Variants in NXN observed in about 807,000 individuals in gnomAD.
NXN encodes nucleoredoxin.
Under a neutral mutation model 48.6 loss-of-function variants are expected in NXN, and 16 were observed. That is an observed-to-expected ratio of 0.33 (90% confidence interval 0.22 to 0.50). The LOEUF is 0.50. Ranked by LOEUF, NXN falls within the 20% of genes least tolerant of loss-of-function variation. NXN has a pLI of 0.98. For synonymous variants in NXN, 281 were observed against 269.6 expected (o/e 1.04, Z -0.41); for missense variants, 492 against 605.5 (o/e 0.81, Z 1.97).
intron 1 of NXN, among the ~76,000 whole-genome samples, chr17:832,547 T>C (rs1462894145): frequency 6.6e-6 from 1 of 152,090 alleles, no homozygotes; most frequent in Non-Finnish European, 1.5e-5. Flanking sequence ...CTCTACCCTC[T>C]AAATGCTCAG....
chr17:816,989 T>C (rs1182989339), intron 5 of NXN, among the ~76,000 whole-genome samples: 1 of 152,156 alleles, frequency 6.6e-6, no homozygotes, highest in Non-Finnish European at 1.5e-5. Flanking sequence ...CTTGGGGCCT[T>C]TTCTTCTGGT....
At chr17:910,410 A>T (rs748541185) in intron 1 of NXN, among the ~76,000 whole-genome samples, 222 of 131,372 alleles carry the variant, frequency 1.7e-3, no homozygotes, top group African/African-American at 4.5e-3. Flanking sequence ...AGACTCCATT[A>T]AAAAAAAAAA....
chr17:935,579 T>C (rs990355287), intron 1 of NXN, among the ~76,000 whole-genome samples: 4 of 152,158 alleles, frequency 2.6e-5, no homozygotes, highest in Admixed American at 2.6e-4. Flanking sequence ...ATCAATGAGC[T>C]CTGCGCTCAT....
chr17:864,301 A>G (rs1284480716), intron 1 of NXN, among the ~76,000 whole-genome samples: 1 of 152,186 alleles, frequency 6.6e-6, no homozygotes, highest in Admixed American at 6.5e-5. Context: ...GTCTTAATCC[A>G]TTTCCTTCTC....
chr17:924,195 A>C (rs1333552610), intron 1 of NXN, among the ~76,000 whole-genome samples: 1 of 151,622 alleles, frequency 6.6e-6, no homozygotes, highest in Non-Finnish European at 1.5e-5. Flanking sequence ...GGTGTGTATC[A>C]CCAAACCCGA....
At chr17:937,725 C>T (rs1177448698) in intron 1 of NXN, among the ~76,000 whole-genome samples, 1 of 152,202 alleles carries the variant, frequency 6.6e-6, no homozygotes, top group Non-Finnish European at 1.5e-5. Flanking sequence ...TGGCAGCCCA[C>T]AACAGGTCAC....
At chr17:896,855 CCACCCG>C in intron 1 of NXN, 3 of 1,102,000 alleles carry the variant, frequency 2.7e-6, no homozygotes, top group Non-Finnish European at 3.6e-6. Context: ...GCGGTCCTGA[CCACCCG>C]CCCCCGGCCC....
intron 1 of NXN, among the ~76,000 whole-genome samples, chr17:936,145 C>T (rs879557694): frequency 5.9e-5 from 9 of 151,336 alleles, no homozygotes; most frequent in Admixed American, 5.9e-4. Context: ...CATCGATTGT[C>T]CTCCAAAAGA....
intron 1 of NXN, among the ~76,000 whole-genome samples, chr17:841,550 C>A (rs1236646773): frequency 1.8e-5 from 2 of 108,618 alleles, no homozygotes; most frequent in African/African-American, 6.8e-5. Context: ...CTCACGCCGG[C>A]GAGCAGGTCC....
At chr17:889,707 G>GA (rs751766261) in intron 1 of NXN, among the ~76,000 whole-genome samples, 40 of 40,698 alleles carry the variant, frequency 9.8e-4, no homozygotes, top group Non-Finnish European at 1.8e-3. Flanking sequence ...GAAAAAGAAA[G>GA]AAAGAAAGAA....
rs1182107900 is a variant in NXN, at chr17:800,942, A to G, written c.*7T>C. ...TTTAAATAACGTCTCAGGAGGCCGG[A>G]GCCACGCTAGATGGGCTCCGGTTTG... On this transcript the variant is annotated 3_prime_UTR_variant, in exon 8 of 8. Transcript: ENST00000336868. 1.4e-6 allele frequency: 2 copies of G among 1,438,014 alleles called. No homozygotes were observed. Among genetic ancestry groups the G allele is most frequent in the African/African-American group, 1.5e-5 (1 of 68,408 alleles). 89.1% of individuals were successfully genotyped at this position (1,438,014 alleles called of 1,614,324 possible).
At chr17:954,882 C>T (rs1350979815) in intron 1 of NXN, among the ~76,000 whole-genome samples, 1 of 152,224 alleles carries the variant, frequency 6.6e-6, no homozygotes, top group African/African-American at 2.4e-5. Flanking sequence ...CATATTTCAG[C>T]GCTGGTATTC....
At chr17:879,716 G>A (rs182702308) in intron 1 of NXN, among the ~76,000 whole-genome samples, 71 of 152,292 alleles carry the variant, frequency 4.7e-4, no homozygotes, top group African/African-American at 1.6e-3. Flanking sequence ...TTTGGCGGGC[G>A]TCACCTTTCT....
chr17:927,038 G>C (rs894036216), intron 1 of NXN, among the ~76,000 whole-genome samples: 4 of 152,064 alleles, frequency 2.6e-5, no homozygotes, highest in African/African-American at 9.7e-5. Context: ...GTAAGGCCAG[G>C]TGCGGTGGCT....
At chr17:912,446 C>G (rs941150843) in intron 1 of NXN, among the ~76,000 whole-genome samples, 1 of 152,050 alleles carries the variant, frequency 6.6e-6, no homozygotes, top group Non-Finnish European at 1.5e-5. Flanking sequence ...TTACGCTCCC[C>G]CAACCACGCG....
At chr17:970,147 A>G (rs1028437535) in intron 1 of NXN, among the ~76,000 whole-genome samples, 1 of 152,208 alleles carries the variant, frequency 6.6e-6, no homozygotes, top group Non-Finnish European at 1.5e-5. Context: ...TTAATCACGG[A>G]GGCCACAGAA....
chr17:812,129 G>C (rs2474689), intron 5 of NXN, among the ~76,000 whole-genome samples: 2 of 149,508 alleles, frequency 1.3e-5, no homozygotes, highest in African/African-American at 2.5e-5. Context: ...GGGTTTCACC[G>C]TGTTAGCCAG....
chr17:828,437 T>A (rs9896942), intron 1 of NXN, among the ~76,000 whole-genome samples: 87,583 of 131,984 alleles, frequency 0.66, 29,674 homozygotes, highest in African/African-American at 0.83. Flanking sequence ...AGTCTTACTC[T>A]GTCACCCAGG....
intron 1 of NXN, among the ~76,000 whole-genome samples, chr17:906,883 T>C (rs2068586764): frequency 6.6e-6 from 1 of 152,142 alleles, no homozygotes; most frequent in South Asian, 2.1e-4. Context: ...GGAAGTGTTC[T>C]GTATAGTCCT....
Sources: allele counts gnomAD v4.1 joint callset (sites outside exome capture counted in the v4.1 genomes callset), GRCh38; gene constraint gnomAD v4.1.1; transcripts MANE v1.5; gene names NCBI Gene and HGNC (gene_info 2026-07-23, HGNC 2026-07-21).